The following ZDHHC23 variants were observed in gnomAD, a reference collection of about 807,000 sequenced individuals.
ZDHHC23 encodes palmitoyltransferase ZDHHC23.
A neutral mutation model predicts 40.2 loss-of-function variants in ZDHHC23; 41 were observed. The ratio of observed to expected loss-of-function variants is 1.02; its 90% CI spans 0.79 to 1.32. The LOEUF (loss-of-function observed/expected upper bound fraction) is 1.32, where lower values mean the gene tolerates loss of function less well. Ranked by LOEUF, ZDHHC23 falls within the 40% of genes most tolerant of loss-of-function variation. The probability of loss-of-function intolerance (pLI) is 0.00; values close to 1 mark genes in which losing one functional copy is unlikely to be tolerated. For synonymous variants in ZDHHC23, 204 were observed against 210.2 expected, an observed-to-expected ratio of 0.97 and a Z score of 0.26; for missense variants, 471 against 541.5, an observed-to-expected ratio of 0.87 and a Z score of 1.29.
At chr3:113,978,263 C>T in the ZDHHC23 span, 125 of 1,613,848 alleles carry the variant, frequency 7.7e-5, no homozygotes, top group Non-Finnish European at 9.9e-5. Context: ...TAAACCAGGC[C>T]CTGAAAATCT....
chr3:113,948,630 A>G (rs988201651), intron 1 of ZDHHC23, 56 bp from the exon 2 acceptor site: 20 of 685,654 alleles, frequency 2.9e-5, no homozygotes, highest in Non-Finnish European at 4.5e-5. Context: ...GAGCCACAGA[A>G]GCCTGATGAA....
chr3:113,956,082 A>C (rs1939200416), intron 3 of ZDHHC23, among the ~76,000 whole-genome samples: 1 of 152,164 alleles, frequency 6.6e-6, no homozygotes, highest in Non-Finnish European at 1.5e-5. Context: ...TCTCTACTCA[A>C]AATACACAAA....
At chr3:113,948,454 C>CA (rs1160352145) in intron 1 of ZDHHC23, 1 of 255,696 alleles carries the variant, frequency 3.9e-6, no homozygotes, top group African/African-American at 2.2e-5. Flanking sequence ...TCCCAGCCTG[C>CA]ACCCGCAGGT....
At chr3:113,973,410 C>A in the ZDHHC23 span, among the ~76,000 whole-genome samples, 4 of 152,192 alleles carry the variant, frequency 2.6e-5, no homozygotes, top group East Asian at 7.7e-4. Context: ...AGGTTTTCTA[C>A]TGTCAACTGT....
the ZDHHC23 span, among the ~76,000 whole-genome samples, chr3:113,971,100 C>A: frequency 6.6e-6 from 1 of 152,180 alleles, no homozygotes; most frequent in East Asian, 1.9e-4. Flanking sequence ...ATGGGTGGGT[C>A]AAATGGTATT....
chr3:113,971,271 G>A, the ZDHHC23 span, among the ~76,000 whole-genome samples: 2 of 152,194 alleles, frequency 1.3e-5, no homozygotes, highest in African/African-American at 4.8e-5. Context: ...ACTGGTGTGA[G>A]ATGGTATCTC....
chr3:113,957,677 A>C, intron 4 of ZDHHC23: 1 of 501,694 alleles, frequency 2.0e-6, no homozygotes, highest in South Asian at 1.5e-5. Flanking sequence ...GAAGATTCTG[A>C]ATGAACTTAT....
rs559029243 is a variant in ZDHHC23 at position 113,961,606 on chromosome 3, T to C, written c.*2976T>C. On this transcript the variant is annotated 3_prime_UTR_variant, in exon 5 of 5. Coordinates refer to ENST00000638807, the MANE Select transcript of ZDHHC23 (RefSeq NM_001320466.2). ...CTGCTTATTCCACCTCAGCCACATA[T>C]GTGTTTGTGTTTAGGATATTGTAAA... 1 of 152,774 alleles carries C rather than the reference T, an allele frequency of 6.5e-6. No individual in the cohort carries two copies. The highest frequency in any genetic ancestry group is 6.5e-5 in the Admixed American group (1 of 15,308). 9.5% of individuals were successfully genotyped at this position (152,774 alleles called of 1,614,324 possible).
chr3:113,953,808 C>T lies in ZDHHC23; in HGVS notation c.270C>T (p.Ile90=). The T allele has an allele frequency of 6.2e-7, 1 of 1,614,218 alleles. No homozygotes were observed. The change falls in exon 3 of 5, where the codon ATC becomes ATT. Residue 90 remains isoleucine (I), a synonymous_variant. Transcript: ENST00000638807. The part of the protein sequence containing the change: ...PWLRGAKKVN[I]SIIPPLVLLP... ...TTAGGGGAGCCAAAAAAGTGAACAT[C>T]AGCATCATCCCTCCGCTTGTCCTGC...
At chr3:113,950,403 C>T (rs9861537) in intron 2 of ZDHHC23, among the ~76,000 whole-genome samples, 1,593 of 152,222 alleles carry the variant, frequency 0.01, 26 homozygotes, top group African/African-American at 0.036. Flanking sequence ...GGTGAGGGCC[C>T]TTTTCCTCAT....
downstream of ZDHHC23, among the ~76,000 whole-genome samples, chr3:113,969,168 C>T (rs1940537584): frequency 6.6e-6 from 1 of 152,222 alleles, no homozygotes; most frequent in Non-Finnish European, 1.5e-5. Context: ...CAATCCATCT[C>T]CATGACCCAA....
chr3:113,960,807 T>TAA lies in ZDHHC23; in HGVS notation c.*2177_*2178insAA, dbSNP rs1213292695. 137 of 1,496,446 alleles carry TAA rather than the reference T, an allele frequency of 9.2e-5. No individual in the cohort carries two copies. Among genetic ancestry groups the TAA allele is most frequent in the Middle Eastern group, 3.6e-4 (2 of 5,586 alleles). The allele number at this position is 1,496,446 out of a possible 1,614,324, so 92.7% of individuals were successfully genotyped here. A position where few individuals can be genotyped will look rare whatever the true frequency, so the allele number is the denominator to read the frequency against. Reference sequence around the variant, plus strand: ...TCAGGTTTATTGGCACGAAGATACTTGTTTTAAGTTCCTTGAGAACCCATG... The same window carrying TAA: ...TCAGGTTTATTGGCACGAAGATACTTAAGTTTTAAGTTCCTTGAGAACCCATG... On this transcript the variant is annotated 3_prime_UTR_variant, in exon 5 of 5. Transcript: ENST00000638807.
the ZDHHC23 span, chr3:113,978,620 A>T: frequency 1.7e-6 from 1 of 593,026 alleles, no homozygotes; most frequent in Non-Finnish European, 2.9e-6. Flanking sequence ...ACAAAAGCTG[A>T]TGGAATGATA....
At chr3:113,963,689 T>C (rs1939853293), downstream of ZDHHC23, among the ~76,000 whole-genome samples, 1 of 151,482 alleles carries the variant, frequency 6.6e-6, no homozygotes, top group African/African-American at 2.4e-5. Context: ...TGAGCCATAG[T>C]CAGGCCACTC....
chr3:113,959,472 T>G lies in ZDHHC23; in HGVS notation c.*842T>G, dbSNP rs1292586544. On this transcript the variant is annotated 3_prime_UTR_variant, in exon 5 of 5. Transcript: ENST00000638807. The stretch of plus-strand genomic sequence containing the variant: ...AAATTCTGCTTGGGTTTCTTATAAA[T>G]AACTCCAACAGGCATTCATGTGTTT... 1 of 1,263,156 alleles carries G rather than the reference T, an allele frequency of 7.9e-7. No individual in the cohort carries two copies. The highest frequency in any genetic ancestry group is 1.0e-6 in the Non-Finnish European group (1 of 967,964). 78.2% of individuals were successfully genotyped at this position (1,263,156 alleles called of 1,614,324 possible). A position where few individuals can be genotyped will look rare whatever the true frequency, so the allele number is the denominator to read the frequency against.
rs749642876 is a variant in ZDHHC23 at position 113,957,435 on chromosome 3, G to C, written c.1041-928G>C. The C allele has an allele frequency of 3.7e-4, 130 of 351,958 alleles. 1 individual carries two copies. Among genetic ancestry groups the C allele is most frequent in the South Asian group, 1.5e-3 (69 of 46,262 alleles). 21.8% of individuals were successfully genotyped at this position (351,958 alleles called of 1,614,324 possible). On this transcript the variant is annotated intron_variant, in intron 4 of 4. Transcript: ENST00000638807. ...CTCAGATTAAGTTTCCTTCCTCACT[G>C]TGTGGAGAGTATCTCCAGCATGTGA...
chr3:113,959,623 C>A lies in ZDHHC23; in HGVS notation c.*993C>A, dbSNP rs1029831584. The A allele has an allele frequency of 8.4e-7, 1 of 1,184,948 alleles. No homozygotes were observed. The highest frequency in any genetic ancestry group is 1.1e-6 in the Non-Finnish European group (1 of 917,472). The allele number at this position is 1,184,948 out of a possible 1,614,324, so 73.4% of individuals were successfully genotyped here. ...CTGGTAGGAAGGCTGAGTAACATCA[C>A]GGGCTCGATTATTTTCTTCATGTAT... is the stretch of plus-strand genomic sequence containing the variant. On this transcript the variant is annotated 3_prime_UTR_variant, in exon 5 of 5. Coordinates refer to ENST00000638807, the MANE Select transcript of ZDHHC23 (RefSeq NM_001320466.2).
the ZDHHC23 span, among the ~76,000 whole-genome samples, chr3:113,972,805 T>C: frequency 6.6e-5 from 10 of 152,318 alleles, no homozygotes; most frequent in East Asian, 1.7e-3. Flanking sequence ...TATCATTATA[T>C]AATGACCTTT....
In ZDHHC23 at chr3:113,958,738, G is replaced by A. The variant is rs1193428043; in HGVS notation, c.*108G>A. The A allele has an allele frequency of 2.5e-6, 4 of 1,583,294 alleles. No homozygotes were observed. The South Asian group carries it at 4.5e-5, about 18-fold the overall frequency. On this transcript the variant is annotated 3_prime_UTR_variant, in exon 5 of 5. Coordinates refer to ENST00000638807, the MANE Select transcript of ZDHHC23 (RefSeq NM_001320466.2). The stretch of plus-strand genomic sequence containing the variant: ...TCCCCAGTTTCTTAAAGGCATTATA[G>A]GGCCATGCTCAGGTTTAGAGACTGG...
Sources: gnomAD v4.1 joint callset for allele counts (sites outside exome capture counted in the v4.1 genomes callset) on GRCh38, gnomAD v4.1.1 for gene constraint, MANE v1.5 for transcripts, NCBI Gene and HGNC (gene_info 2026-07-23, HGNC 2026-07-21) for gene names.